The following NDST4 variants were observed in gnomAD, a reference collection of about 807,000 sequenced individuals.
The protein encoded by NDST4 is N-heparan sulfate sulfotransferase 4.
NDST4 carries 63 observed loss-of-function variants against 100.8 expected under a neutral mutation model. The observed-to-expected ratio is 0.62, with a 90% CI of 0.51 to 0.77. The LOEUF is 0.77. Ranked by LOEUF, NDST4 falls within the 30% of genes least tolerant of loss-of-function variation. The pLI is 0.00. For synonymous variants in NDST4, 377 were observed against 361.8 expected, an observed-to-expected ratio of 1.04 and a Z score of -0.48; for missense variants, 943 against 1,018.4, an observed-to-expected ratio of 0.93 and a Z score of 1.01.
At chr4:115,075,864 T>A (rs1408851926) in intron 2 of NDST4, among the ~76,000 whole-genome samples, 195 bp downstream of exon 2, 1 of 151,348 alleles carries the variant, frequency 6.6e-6, no homozygotes, top group Non-Finnish European at 1.5e-5. Context: ...TCTGTCCCAT[T>A]CTGAAGCTTC....
chr4:115,007,526 C>T (rs78274927), intron 2 of NDST4, among the ~76,000 whole-genome samples: 2,283 of 152,124 alleles, frequency 0.015, 67 homozygotes, highest in African/African-American at 0.051. Flanking sequence ...GTTTTTTATT[C>T]GGTTGTTTTT....
At chr4:114,895,203 G>T (rs1176849194) in intron 6 of NDST4, among the ~76,000 whole-genome samples, 1 of 151,490 alleles carries the variant, frequency 6.6e-6, no homozygotes, top group Non-Finnish European at 1.5e-5. Flanking sequence ...CCAGGAGCTG[G>T]GTTTTTGAAA....
chr4:115,029,737 A>T (rs1208380794), intron 2 of NDST4, among the ~76,000 whole-genome samples: 2 of 152,140 alleles, frequency 1.3e-5, no homozygotes, highest in Admixed American at 1.3e-4. Flanking sequence ...ACAGTAAAGC[A>T]GGAGGATCCC....
At chr4:114,940,124 G>T (rs929355144) in intron 4 of NDST4, among the ~76,000 whole-genome samples, 1 of 152,094 alleles carries the variant, frequency 6.6e-6, no homozygotes, top group East Asian at 1.9e-4. Flanking sequence ...ACACGTAAAT[G>T]ACAGAAAACA....
At chr4:114,939,826 A>G (rs1312083935) in intron 4 of NDST4, among the ~76,000 whole-genome samples, 1 of 152,226 alleles carries the variant, frequency 6.6e-6, no homozygotes, top group Non-Finnish European at 1.5e-5. Context: ...CTGGAGCTCA[A>G]TTAAAATAGT....
intron 4 of NDST4, among the ~76,000 whole-genome samples, chr4:114,962,326 A>C (rs1560832660): frequency 1.3e-5 from 2 of 151,866 alleles, no homozygotes; most frequent in African/African-American, 4.8e-5. Context: ...ACAATAAAAT[A>C]AAATAAAATA....
intron 1 of NDST4, among the ~76,000 whole-genome samples, chr4:115,104,530 C>T (rs1729798975): frequency 6.6e-6 from 1 of 152,060 alleles, no homozygotes; most frequent in Admixed American, 6.6e-5. Flanking sequence ...CTTCAAATTC[C>T]ATGTTTCTGC....
chr4:114,926,685 A>T (rs893685192), intron 6 of NDST4, among the ~76,000 whole-genome samples: 1 of 152,130 alleles, frequency 6.6e-6, no homozygotes, highest in African/African-American at 2.4e-5. Context: ...TGAAGAAATA[A>T]AGAAACAATA....
chr4:114,929,503 A>T (rs1200810233), intron 6 of NDST4, among the ~76,000 whole-genome samples: 1 of 152,096 alleles, frequency 6.6e-6, no homozygotes, highest in African/African-American at 2.4e-5. Flanking sequence ...GGTCTCTATC[A>T]TTTACCTATG....
At chr4:114,846,565 G>A (rs1346560995) in intron 9 of NDST4, among the ~76,000 whole-genome samples, 1 of 152,108 alleles carries the variant, frequency 6.6e-6, no homozygotes, top group Non-Finnish European at 1.5e-5. Flanking sequence ...TAATTAAGGG[G>A]ATATTTCCTG....
intron 6 of NDST4, among the ~76,000 whole-genome samples, chr4:114,891,929 T>G (rs917929090): frequency 2.6e-5 from 4 of 152,146 alleles, no homozygotes; most frequent in Non-Finnish European, 5.9e-5. Flanking sequence ...TGATCACATT[T>G]CCAATTTTAC....
In NDST4 at chr4:115,113,583, T is replaced by C. The variant is rs993956502; in HGVS notation, c.-386A>G. ...CAGTTCATGCAATCTGCCTCAACAA[T>C]ATTCCAAGAGCACTCTCTAGCTCCA... On this transcript the variant is annotated 5_prime_UTR_variant, in exon 1 of 14. It adds an upstream start codon to the 5' untranslated region. Transcript: ENST00000264363. 1 of 151,986 alleles carries C rather than the reference T, an allele frequency of 6.6e-6. No homozygotes were observed. Among genetic ancestry groups the C allele is most frequent in the African/African-American group, 2.4e-5 (1 of 41,412 alleles). 9.4% of individuals were successfully genotyped at this position (151,986 alleles called of 1,614,324 possible). A position where few individuals can be genotyped will look rare whatever the true frequency, so the allele number is the denominator to read the frequency against.
intron 3 of NDST4, among the ~76,000 whole-genome samples, chr4:114,976,575 G>T (rs1393343249): frequency 2.6e-5 from 4 of 151,900 alleles, no homozygotes; most frequent in Non-Finnish European, 4.4e-5. Flanking sequence ...TATTTAGAGG[G>T]TGAGACTGAA....
chr4:114,996,627 C>T (rs952104885), intron 2 of NDST4, among the ~76,000 whole-genome samples: 1 of 152,070 alleles, frequency 6.6e-6, no homozygotes, highest in Non-Finnish European at 1.5e-5. Flanking sequence ...AAGTCCCCCT[C>T]CTTGTACCTG....
intron 1 of NDST4, among the ~76,000 whole-genome samples, chr4:115,078,613 G>A (rs1288146293): frequency 6.6e-6 from 1 of 152,028 alleles, no homozygotes; most frequent in Non-Finnish European, 1.5e-5. Flanking sequence ...AGAAGTGGTG[G>A]GTGGATCACG....
At chr4:115,045,095 G>T (rs1728436902) in intron 2 of NDST4, among the ~76,000 whole-genome samples, 1 of 151,960 alleles carries the variant, frequency 6.6e-6, no homozygotes, top group Non-Finnish European at 1.5e-5. Flanking sequence ...ACTCTTAGAA[G>T]AACTTGAATG....
chr4:114,846,048 A>C, intron 9 of NDST4, 51 bp from the exon 10 acceptor site: 1 of 1,349,828 alleles, frequency 7.4e-7, no homozygotes, highest in East Asian at 2.3e-5. Flanking sequence ...TTTTCTTGCC[A>C]TATTCTGAAT....
At chr4:114,893,140 A>G (rs564141619) in intron 6 of NDST4, among the ~76,000 whole-genome samples, 1 of 152,214 alleles carries the variant, frequency 6.6e-6, no homozygotes, top group Non-Finnish European at 1.5e-5. Context: ...TATCCAGTAT[A>G]TCATTGATGG....
intron 4 of NDST4, among the ~76,000 whole-genome samples, chr4:114,964,656 C>A (rs891933907): frequency 1.4e-4 from 22 of 152,038 alleles, no homozygotes; most frequent in African/African-American, 5.3e-4. Flanking sequence ...TTTAAGTACA[C>A]AATATTATTA....
Sources: allele counts gnomAD v4.1 joint callset (sites outside exome capture counted in the v4.1 genomes callset), GRCh38; gene constraint gnomAD v4.1.1; transcripts MANE v1.5; gene names NCBI Gene and HGNC (gene_info 2026-07-23, HGNC 2026-07-21).